DIP2B: variants seen among roughly 807,000 people sequenced by gnomAD.
DIP2B encodes DIP2 acetate--CoA ligase B (putative).
Under a neutral mutation model 198.0 loss-of-function variants are expected in DIP2B, and 76 were observed. That is an observed-to-expected ratio of 0.38 (90% confidence interval 0.32 to 0.46). The LOEUF (loss-of-function observed/expected upper bound fraction) is 0.46, where lower values mean the gene tolerates loss of function less well. Among genes scored for constraint, DIP2B ranks in the 20% least tolerant of loss-of-function variants. DIP2B has a pLI of 0.99. For synonymous variants in DIP2B, 701 were observed against 739.1 expected, an observed-to-expected ratio of 0.95 and a Z score of 0.84; for missense variants, 1,559 against 1,978.4, an observed-to-expected ratio of 0.79 and a Z score of 4.02.
chr12:50,565,711 A>T (rs1297267627), intron 1 of DIP2B, among the ~76,000 whole-genome samples: 1 of 152,222 alleles, frequency 6.6e-6, no homozygotes, highest in Non-Finnish European at 1.5e-5. Flanking sequence ...TCAATTAAAA[A>T]GGCATCATTT....
intron 3 of DIP2B, 75 bp from the exon 4 acceptor site, chr12:50,660,119 A>C: frequency 7.7e-7 from 1 of 1,291,108 alleles, no homozygotes. Context: ...CAATTGAGGC[A>C]GTGATAGTTC....
intron 1 of DIP2B, among the ~76,000 whole-genome samples, chr12:50,535,948 G>A (rs1342426641): frequency 2.9e-5 from 4 of 136,016 alleles, no homozygotes; most frequent in South Asian, 2.4e-4. Flanking sequence ...AATATGGGGT[G>A]TTTGGTTTTT....
At chr12:50,571,902 C>T (rs944660962) in intron 1 of DIP2B, among the ~76,000 whole-genome samples, 3 of 152,082 alleles carry the variant, frequency 2.0e-5, no homozygotes, top group Non-Finnish European at 4.4e-5. Flanking sequence ...TAACATACAG[C>T]CAGGCCTGGA....
chr12:50,714,530 T>C lies in DIP2B; in HGVS notation c.2785T>C (p.Cys929Arg), dbSNP rs1184124128. 2 of 1,614,184 alleles carry C rather than the reference T, an allele frequency of 1.2e-6. No homozygotes were observed. The highest frequency in any genetic ancestry group is 1.7e-5 in the Admixed American group (1 of 60,022). ...QLFLEGSLHP[C>R]NILMCPHTCV... ...CTTTCTGGAGGGATCACTGCATCCT[T>C]GCAACATCCTCATGTGCCCCCATAC... The change falls in exon 23 of 38, where the codon TGC (cysteine) becomes CGC (arginine). Residue 929 changes from cysteine to arginine, a missense_variant. By Grantham distance (180) the Cys-to-Arg change is radical. Coordinates refer to ENST00000301180, the MANE Select transcript of DIP2B (RefSeq NM_173602.3).
intron 10 of DIP2B, among the ~76,000 whole-genome samples, chr12:50,684,755 G>T (rs1433602310): frequency 6.6e-6 from 1 of 151,996 alleles, no homozygotes; most frequent in Non-Finnish European, 1.5e-5. Context: ...TTGCGCCACT[G>T]TATACCAGCC....
At chr12:50,621,378 G>C (rs1425883292) in intron 1 of DIP2B, among the ~76,000 whole-genome samples, 2 of 152,156 alleles carry the variant, frequency 1.3e-5, no homozygotes, top group African/African-American at 4.8e-5. Flanking sequence ...GTAAACTTCT[G>C]GTCCACTAAA....
At chr12:50,708,424 A>G (rs551508124) in intron 21 of DIP2B, 24 bp from the exon 22 acceptor site, 1 of 1,561,600 alleles carries the variant, frequency 6.4e-7, no homozygotes, top group African/African-American at 1.4e-5. Context: ...GGGAGTCCTG[A>G]TGTGTTTGAT....
chr12:50,696,178 A>G (rs1376685070), intron 16 of DIP2B, among the ~76,000 whole-genome samples: 2 of 152,226 alleles, frequency 1.3e-5, no homozygotes, highest in East Asian at 3.8e-4. Flanking sequence ...CCACATGCCC[A>G]TTATCAGTCA....
chr12:50,561,021 C>G (rs1354356057), intron 1 of DIP2B, among the ~76,000 whole-genome samples: 1 of 152,134 alleles, frequency 6.6e-6, no homozygotes, highest in African/African-American at 2.4e-5. Context: ...TAGGAAATAG[C>G]AACCTATATA....
At chr12:50,569,509 T>G (rs183782648) in intron 1 of DIP2B, among the ~76,000 whole-genome samples, 1 of 152,322 alleles carries the variant, frequency 6.6e-6, no homozygotes, top group East Asian at 1.9e-4. Context: ...TTCGTTGGGC[T>G]CCTTCCTTTG....
At position 50,678,884 on chromosome 12, in the gene DIP2B, T is replaced by C; in HGVS notation, c.1114+8T>C. 6.2e-7 allele frequency: 1 copy of C among 1,614,180 alleles called. No homozygotes were observed. The highest frequency in any genetic ancestry group is 8.5e-7 in the Non-Finnish European group (1 of 1,179,994). On this transcript the variant is annotated splice_region_variant and intron_variant, in intron 8 of 37. Transcript: ENST00000301180. ...TTTACACTCTTACATATGGTGAGTC[T>C]GCAAGATTCCAGATCCTTCTCTCCT...
At chr12:50,664,318 A>T (rs1938708123) in intron 4 of DIP2B, among the ~76,000 whole-genome samples, 1 of 152,212 alleles carries the variant, frequency 6.6e-6, no homozygotes, top group Admixed American at 6.5e-5. Flanking sequence ...ACCTGATAAG[A>T]TGTCAGTCAC....
chr12:50,671,047 G>A, intron 4 of DIP2B, 139 bp from the exon 5 acceptor site: 1 of 803,312 alleles, frequency 1.2e-6, no homozygotes, highest in Non-Finnish European at 1.9e-6. Context: ...AGATTCTTGA[G>A]AAACTTTACA....
At chr12:50,628,696 T>C (rs530686767) in intron 2 of DIP2B, among the ~76,000 whole-genome samples, 27 of 152,218 alleles carry the variant, frequency 1.8e-4, no homozygotes, top group Admixed American at 1.2e-3. Context: ...TTTCACCCTC[T>C]TTGTTTCCTG....
At position 50,744,851 on chromosome 12, in the gene DIP2B, G is replaced by T; in HGVS notation, c.*12G>T. 6.2e-7 allele frequency: 1 copy of T among 1,613,176 alleles called. No individual in the cohort carries two copies. Among genetic ancestry groups the T allele is most frequent in the Non-Finnish European group, 8.5e-7 (1 of 1,179,242 alleles). ...CTTATAACATGTAACCAGCCTTGTGGGGACTGCAGTGGGCCATTCTGAAGA... is the reference window on the plus strand; with the variant it reads ...CTTATAACATGTAACCAGCCTTGTGTGGACTGCAGTGGGCCATTCTGAAGA... On this transcript the variant is annotated 3_prime_UTR_variant, in exon 38 of 38. Transcript: ENST00000301180.
intron 13 of DIP2B, among the ~76,000 whole-genome samples, chr12:50,692,703 G>A (rs147880761): frequency 5.3e-5 from 8 of 152,236 alleles, no homozygotes; most frequent in African/African-American, 1.9e-4. Flanking sequence ...CGTGCATGGT[G>A]GTGTATGCCT....
chr12:50,695,295 G>A lies in DIP2B; in HGVS notation c.1748G>A (p.Ser583Asn), dbSNP rs561519776. ...ANVMNKMHTI[S>N]VPYSVMKTCP... ...GTAATGAATAAGATGCACACAATCA[G>A]CGTACCCTACTCTGTTATGAAAACC... Residue 583 changes from serine (S) to asparagine (N), a missense_variant, in exon 15 of 38, where the codon AGC becomes AAC. By Grantham distance (46) the Ser-to-Asn change is conservative (BLOSUM62 1). Transcript: ENST00000301180. The A allele has an allele frequency of 6.2e-7, 1 of 1,613,718 alleles. No individual in the cohort carries two copies. Among genetic ancestry groups the A allele is most frequent in the African/African-American group, 1.3e-5 (1 of 74,986 alleles).
intron 1 of DIP2B, among the ~76,000 whole-genome samples, chr12:50,613,314 G>A (rs983868510): frequency 4.6e-5 from 7 of 152,138 alleles, no homozygotes; most frequent in African/African-American, 4.8e-5. Context: ...TTAGATGAAT[G>A]GTACCTAGAA....
At chr12:50,550,129 C>T (rs747020211) in intron 1 of DIP2B, among the ~76,000 whole-genome samples, 5 of 152,116 alleles carry the variant, frequency 3.3e-5, no homozygotes, top group African/African-American at 7.2e-5. Flanking sequence ...GAAAATGAAA[C>T]GCCTAGAAAC....
Sources: allele counts gnomAD v4.1 joint callset (sites outside exome capture counted in the v4.1 genomes callset), GRCh38; gene constraint gnomAD v4.1.1; transcripts MANE v1.5; gene names NCBI Gene and HGNC (gene_info 2026-07-23, HGNC 2026-07-21).